NBAS: variants seen among roughly 807,000 people sequenced by gnomAD.
NBAS encodes the protein NBAS subunit of NRZ tethering complex.
A neutral mutation model predicts 302.5 loss-of-function variants in NBAS; 219 were observed. The observed-to-expected ratio is 0.72, with a 90% CI of 0.65 to 0.81. The LOEUF is 0.81. Ranked by LOEUF, NBAS falls within the 30% of genes least tolerant of loss-of-function variation. NBAS has a pLI of 0.00. For synonymous variants in NBAS, 1,118 were observed against 1,021.6 expected, an observed-to-expected ratio of 1.09 and a Z score of -1.80; for missense variants, 2,932 against 2,841.6, an observed-to-expected ratio of 1.03 and a Z score of -0.72.
At chr2:15,357,964 G>C (rs1452136047) in intron 32 of NBAS, among the ~76,000 whole-genome samples, 2 of 152,086 alleles carry the variant, frequency 1.3e-5, no homozygotes, top group Non-Finnish European at 2.9e-5. Flanking sequence ...GTTTGACCAT[G>C]CCTTTTACTT....
At chr2:14,846,642 G>C in the NBAS span, among the ~76,000 whole-genome samples, 2 of 152,026 alleles carry the variant, frequency 1.3e-5, no homozygotes, top group Non-Finnish European at 2.9e-5. Context: ...ACAGTACAAT[G>C]AGATATAAAT....
At chr2:15,424,223 A>ACTG (rs1466781088) in intron 23 of NBAS, 92 bp downstream of exon 23, 2 of 1,392,430 alleles carry the variant, frequency 1.4e-6, no homozygotes, top group African/African-American at 2.8e-5. Flanking sequence ...TGATTCCTGC[A>ACTG]CTGCTGTCAG....
At chr2:15,083,264 C>T in the NBAS span, among the ~76,000 whole-genome samples, 4 of 152,358 alleles carry the variant, frequency 2.6e-5, no homozygotes, top group Admixed American at 2.6e-4. Flanking sequence ...AACAGTGCTC[C>T]TGAACTAAAT....
intron 11 of NBAS, among the ~76,000 whole-genome samples, chr2:15,490,778 G>A (rs1680822304): frequency 6.6e-6 from 1 of 152,204 alleles, no homozygotes. Context: ...CAGGACTATA[G>A]TCCTCACCTG....
At chr2:14,975,533 C>T in the NBAS span, among the ~76,000 whole-genome samples, 1 of 152,200 alleles carries the variant, frequency 6.6e-6, no homozygotes, top group Admixed American at 6.5e-5. Flanking sequence ...TTTCTTTCTA[C>T]TGCATGGCTT....
chr2:15,126,136 C>T, the NBAS span, among the ~76,000 whole-genome samples: 8 of 151,920 alleles, frequency 5.3e-5, no homozygotes, highest in Admixed American at 2.6e-4. Flanking sequence ...GTTCTCACTC[C>T]GAGTTTATGT....
intron 17 of NBAS, among the ~76,000 whole-genome samples, 191 bp downstream of exon 17, chr2:15,468,191 C>G (rs1322684516): frequency 6.6e-6 from 1 of 152,144 alleles, no homozygotes; most frequent in Non-Finnish European, 1.5e-5. Flanking sequence ...GATATACTCT[C>G]ATATTTATAT....
the NBAS span, among the ~76,000 whole-genome samples, chr2:14,862,627 T>C: frequency 6.6e-6 from 1 of 152,210 alleles, no homozygotes; most frequent in Non-Finnish European, 1.5e-5. Flanking sequence ...TCAAGGTTGC[T>C]TTATAGTTAA....
intron 46 of NBAS, among the ~76,000 whole-genome samples, chr2:15,234,142 T>G (rs1014564532): frequency 2.2e-4 from 33 of 152,034 alleles, no homozygotes; most frequent in African/African-American, 8.0e-4. Flanking sequence ...TGCCTTGGGT[T>G]TTTCAAAACA....
intron 6 of NBAS, among the ~76,000 whole-genome samples, chr2:15,548,157 T>C (rs6720900): frequency 0.62 from 93,816 of 151,952 alleles, 29,853 homozygotes; most frequent in Non-Finnish European, 0.68. Context: ...GTATATTCAT[T>C]CATCCATAAA....
chr2:14,998,037 C>G, the NBAS span, among the ~76,000 whole-genome samples: 726 of 152,304 alleles, frequency 4.8e-3, 10 homozygotes, highest in African/African-American at 0.017. Flanking sequence ...TCTTTACACC[C>G]TACCTGTGTC....
chr2:14,864,745 C>T, the NBAS span, among the ~76,000 whole-genome samples: 1 of 152,182 alleles, frequency 6.6e-6, no homozygotes, highest in Non-Finnish European at 1.5e-5. Flanking sequence ...GTTGATTTAA[C>T]ACCTCCCTGA....
At chr2:15,338,907 G>C (rs535871269) in intron 35 of NBAS, among the ~76,000 whole-genome samples, 3 of 152,150 alleles carry the variant, frequency 2.0e-5, no homozygotes, top group South Asian at 2.1e-4. Flanking sequence ...TAGCTACTTG[G>C]GGGGCTGAGG....
chr2:15,288,590 G>A (rs566659402), intron 41 of NBAS, among the ~76,000 whole-genome samples: 50 of 152,310 alleles, frequency 3.3e-4, no homozygotes, highest in African/African-American at 1.2e-3. Flanking sequence ...CGCCAGATTT[G>A]AGAATCTCTA....
chr2:15,305,633 G>A (rs1326273789), intron 40 of NBAS, among the ~76,000 whole-genome samples: 2 of 151,892 alleles, frequency 1.3e-5, no homozygotes, highest in East Asian at 3.9e-4. Context: ...TATATTTTTA[G>A]TAGAGGCGGG....
Position 15,234,651 on chromosome 2 carries a change from G to A in NBAS, c.6040C>T (p.Pro2014Ser). ...EAVAICLDGQPLAMIQQLLEV... is the reference protein window; with the variant it reads ...EAVAICLDGQSLAMIQQLLEV... ...AGCAGCTGCTGAATCATTGCTAGAGGCTGACCATCTAAACAAATAGCCACA... is the reference window on the plus strand; with the variant it reads ...AGCAGCTGCTGAATCATTGCTAGAGACTGACCATCTAAACAAATAGCCACA... The change falls in exon 46 of 52, where the codon CCT (proline) becomes TCT (serine). Residue 2014 changes from proline (P) to serine (S), a missense_variant. Coordinates refer to ENST00000281513, the MANE Select transcript of NBAS (RefSeq NM_015909.4). The A allele has an allele frequency of 6.2e-7, 1 of 1,614,100 alleles. No individual in the cohort carries two copies.
chr2:14,823,939 G>A, the NBAS span, among the ~76,000 whole-genome samples: 31 of 152,238 alleles, frequency 2.0e-4, no homozygotes, highest in East Asian at 3.9e-4. Flanking sequence ...AAACCACTCC[G>A]AGGCACTGTC....
chr2:15,087,256 A>C, the NBAS span, among the ~76,000 whole-genome samples: 6 of 127,876 alleles, frequency 4.7e-5, no homozygotes, highest in East Asian at 2.7e-4. Flanking sequence ...ACACACACAC[A>C]CCCCATATTG....
the NBAS span, among the ~76,000 whole-genome samples, chr2:14,859,898 C>T: frequency 0.29 from 44,220 of 151,810 alleles, 7,090 homozygotes; most frequent in East Asian, 0.4. Flanking sequence ...AGACATAACC[C>T]ACAGAATGTG....
Sources: gnomAD v4.1 joint callset for allele counts (sites outside exome capture counted in the v4.1 genomes callset) on GRCh38, gnomAD v4.1.1 for gene constraint, MANE v1.5 for transcripts, NCBI Gene and HGNC (gene_info 2026-07-23, HGNC 2026-07-21) for gene names.